Variants in GSK3B observed in about 807,000 individuals in gnomAD.
GSK3B encodes glycogen synthase kinase-3 beta.
GSK3B carries 15 observed loss-of-function variants against 56.4 expected under a neutral mutation model. The ratio of observed to expected loss-of-function variants is 0.27; its 90% CI spans 0.18 to 0.41. The LOEUF (loss-of-function observed/expected upper bound fraction) is 0.41. Among genes scored for constraint, GSK3B ranks in the 10% least tolerant of loss-of-function variants. GSK3B has a pLI of 1.00. For missense variants in GSK3B, 300 were observed against 513.4 expected, an observed-to-expected ratio of 0.58 and a Z score of 4.02; for synonymous variants, 181 against 188.9, an observed-to-expected ratio of 0.96 and a Z score of 0.34.
At chr3:119,878,646 A>C (rs1416525367) in intron 7 of GSK3B, among the ~76,000 whole-genome samples, 1 of 152,228 alleles carries the variant, frequency 6.6e-6, no homozygotes, top group East Asian at 1.9e-4. Flanking sequence ...GTTCATACAA[A>C]GACTTGTATA....
intron 1 of GSK3B, among the ~76,000 whole-genome samples, chr3:120,018,524 C>T (rs1157801408): frequency 6.6e-6 from 1 of 152,140 alleles, no homozygotes; most frequent in Non-Finnish European, 1.5e-5. Context: ...ACAGTTTAGA[C>T]TGTGTAGTAT....
At chr3:119,872,918 TTTC>T (rs540192161) in intron 8 of GSK3B, among the ~76,000 whole-genome samples, 93 of 152,270 alleles carry the variant, frequency 6.1e-4, no homozygotes, top group African/African-American at 2.1e-3. Context: ...AGAATTTAAA[TTTC>T]TTCTCTTCTT....
chr3:119,860,742 A>T (rs2056090847), intron 9 of GSK3B, among the ~76,000 whole-genome samples: 1 of 152,254 alleles, frequency 6.6e-6, no homozygotes, highest in Non-Finnish European at 1.5e-5. Context: ...AACCAGAGGG[A>T]ACATTAGAAA....
intron 10 of GSK3B, among the ~76,000 whole-genome samples, chr3:119,838,601 T>C (rs1444089629): frequency 1.3e-5 from 2 of 152,202 alleles, no homozygotes; most frequent in East Asian, 1.9e-4. Flanking sequence ...AGTATTTCCA[T>C]GAATGTCCAC....
intron 10 of GSK3B, among the ~76,000 whole-genome samples, chr3:119,839,605 A>C (rs1365264482): frequency 1.3e-5 from 2 of 152,208 alleles, no homozygotes; most frequent in African/African-American, 4.8e-5. Flanking sequence ...ATCAGATGAT[A>C]ATTCAGTTAT....
chr3:120,026,512 TACACACACACACACAC>T lies in GSK3B; in HGVS notation c.89-24289_89-24274del, dbSNP rs61580328. ...AAATAAGCAATGCTATACCGCCAAA[TACACACACACACACAC>T]ACACACACACACACACACACACACA... On this transcript the variant is annotated intron_variant, in intron 1 of 10. Transcript: ENST00000264235. Among the ~76,000 whole-genome samples, 777 of 130,508 alleles carry T rather than the reference TACACACACACACACAC, an allele frequency of 6.0e-3. 34 individuals are homozygous for T. Among genetic ancestry groups the T allele is most frequent in the Admixed American group, 0.052 (667 of 12,748 alleles). The allele number at this position is 130,508 out of a possible 152,430, so 85.6% of individuals were successfully genotyped here.
chr3:119,840,245 A>T (rs1030172463), intron 10 of GSK3B, among the ~76,000 whole-genome samples: 5 of 146,282 alleles, frequency 3.4e-5, no homozygotes, highest in African/African-American at 1.3e-4. Context: ...TTTTTTTGAG[A>T]CAAAGTTTTG....
chr3:119,950,050 T>C lies in GSK3B; in HGVS notation c.283-2699A>G, dbSNP rs1264663352. Among the ~76,000 whole-genome samples the C allele has an allele frequency of 2.0e-5, 3 of 151,834 alleles. No homozygotes were observed. The East Asian group carries it at 5.8e-4, about 29-fold the overall frequency. ...CTAATGATATCACCTACGGAAGAAG[T>C]TCATACAGAAAAAAAATTCATGAAA... is the stretch of plus-strand genomic sequence containing the variant. On this transcript the variant is annotated intron_variant, in intron 2 of 10. Transcript: ENST00000264235.
intron 10 of GSK3B, among the ~76,000 whole-genome samples, chr3:119,827,178 C>T (rs1448831199): frequency 1.3e-5 from 2 of 152,110 alleles, no homozygotes; most frequent in Admixed American, 1.3e-4. Context: ...GTCTAGTTCA[C>T]TTGAAAATAA....
intron 1 of GSK3B, among the ~76,000 whole-genome samples, chr3:120,063,302 A>G (rs2058252592): frequency 6.6e-6 from 1 of 152,214 alleles, no homozygotes; most frequent in Admixed American, 6.5e-5. Context: ...GTGGTAAAAT[A>G]TCTTTATGAT....
At chr3:119,905,942 C>T in intron 6 of GSK3B, 90 bp from the exon 7 acceptor site, 1 of 772,098 alleles carries the variant, frequency 1.3e-6, no homozygotes, top group Non-Finnish European at 2.3e-6. Context: ...ACTTTGATCA[C>T]AGAGTAAATA....
At chr3:119,872,971 T>C (rs2056267102) in intron 8 of GSK3B, among the ~76,000 whole-genome samples, 1 of 152,124 alleles carries the variant, frequency 6.6e-6, no homozygotes, top group Admixed American at 6.6e-5. Context: ...CAATCTACTA[T>C]TGCATCACTT....
At chr3:120,058,682 C>T (rs183331132) in intron 1 of GSK3B, among the ~76,000 whole-genome samples, 1 of 152,146 alleles carries the variant, frequency 6.6e-6, no homozygotes, top group African/African-American at 2.4e-5. Context: ...GGTAATAATG[C>T]TTCTCCCTCA....
intron 7 of GSK3B, among the ~76,000 whole-genome samples, chr3:119,878,544 G>A (rs1413398764): frequency 6.6e-6 from 1 of 152,152 alleles, no homozygotes; most frequent in Non-Finnish European, 1.5e-5. Context: ...TTGGAAAACA[G>A]TTTGGAAGTT....
chr3:119,919,875 T>C (rs538565263), intron 4 of GSK3B, among the ~76,000 whole-genome samples: 1 of 151,890 alleles, frequency 6.6e-6, no homozygotes, highest in African/African-American at 2.4e-5. Context: ...CACGAAAATA[T>C]GGACTGATCT....
In GSK3B at chr3:119,826,358, A is replaced by G; in HGVS notation, c.*430T>C. ...CCAATTTCAAGCTGTGCACTATACCAAAGTCTCACACTAGACTTTAAAAGA... is the reference window on the plus strand; with the variant it reads ...CCAATTTCAAGCTGTGCACTATACCGAAGTCTCACACTAGACTTTAAAAGA... On this transcript the variant is annotated 3_prime_UTR_variant, in exon 11 of 11. Coordinates refer to ENST00000264235, the MANE Select transcript of GSK3B (RefSeq NM_001146156.2). 7.5e-6 allele frequency: 3 copies of G among 399,414 alleles called. No individual in the cohort carries two copies. In the East Asian group the frequency reaches 1.3e-4, roughly 18 times the overall value. The allele number at this position is 399,414 out of a possible 1,614,324, so 24.7% of individuals were successfully genotyped here. A position where few individuals can be genotyped will look rare whatever the true frequency, so the allele number is the denominator to read the frequency against.
chr3:120,033,373 T>C (rs887206311), intron 1 of GSK3B, among the ~76,000 whole-genome samples: 11 of 152,254 alleles, frequency 7.2e-5, no homozygotes, highest in Non-Finnish European at 1.3e-4. Context: ...GGTAACTCTA[T>C]GTGTGTATTT....
intron 1 of GSK3B, among the ~76,000 whole-genome samples, chr3:120,076,159 C>A (rs1208749252): frequency 6.6e-6 from 1 of 152,052 alleles, no homozygotes; most frequent in African/African-American, 2.4e-5. Flanking sequence ...TTTCCACATG[C>A]AAAATAATGA....
At chr3:119,875,216 A>C (rs1026663834) in intron 8 of GSK3B, among the ~76,000 whole-genome samples, 2 of 152,016 alleles carry the variant, frequency 1.3e-5, no homozygotes, top group African/African-American at 4.8e-5. Flanking sequence ...TAGTAACGAG[A>C]ATTTTCTGAA....
Sources: allele counts gnomAD v4.1 joint callset (sites outside exome capture counted in the v4.1 genomes callset), GRCh38; gene constraint gnomAD v4.1.1; transcripts MANE v1.5; gene names NCBI Gene and HGNC (gene_info 2026-07-23, HGNC 2026-07-21).